The following S100Z variants were observed in gnomAD, a reference collection of about 807,000 sequenced individuals.
S100Z encodes the protein S100 calcium binding protein Z.
A neutral mutation model predicts 8.5 loss-of-function variants in S100Z; 11 were observed. The ratio of observed to expected loss-of-function variants is 1.30; its 90% CI spans 0.82 to 2.15. The LOEUF is 2.15. Ranked by LOEUF, S100Z falls within the 30% of genes most tolerant of loss-of-function variation. S100Z has a pLI of 0.00. For missense variants in S100Z, 126 were observed against 117.9 expected (o/e 1.07, Z -0.32); for synonymous variants, 34 against 43.8 (o/e 0.78, Z 0.89).
At chr5:76,865,966 G>A (rs1190696730) in intron 1 of S100Z, among the ~76,000 whole-genome samples, 1 of 150,498 alleles carries the variant, frequency 6.6e-6, no homozygotes, top group African/African-American at 2.4e-5. Flanking sequence ...AGTGAGCTGA[G>A]ATCACACCAC....
chr5:76,874,392 A>G (rs532049431), intron 2 of S100Z, among the ~76,000 whole-genome samples: 3 of 152,230 alleles, frequency 2.0e-5, no homozygotes, highest in Middle Eastern at 3.4e-3. Flanking sequence ...ACTCCCCTAA[A>G]GAGAGATAAG....
the S100Z span, among the ~76,000 whole-genome samples, chr5:76,940,730 T>G: frequency 1.3e-5 from 2 of 152,344 alleles, no homozygotes; most frequent in South Asian, 4.1e-4. Flanking sequence ...CCAATCTCTA[T>G]GTAATAGTAT....
intron 1 of S100Z, among the ~76,000 whole-genome samples, chr5:76,851,722 T>C (rs1232716882): frequency 1.3e-5 from 2 of 152,146 alleles, no homozygotes; most frequent in Admixed American, 1.3e-4. Flanking sequence ...GGAGATGTCC[T>C]GTGGTCAGTT....
At chr5:76,880,384 G>T (rs1743361576) in intron 4 of S100Z, among the ~76,000 whole-genome samples, 1 of 152,132 alleles carries the variant, frequency 6.6e-6, no homozygotes, top group Non-Finnish European at 1.5e-5. Context: ...GTGGTGAAGT[G>T]TTGGGGTGGC....
chr5:76,877,779 A>G lies in S100Z; in HGVS notation c.247A>G (p.Thr83Ala). Residue 83 changes from threonine (T) to alanine (A), a missense_variant, in exon 4 of 5, where the codon ACA (threonine) becomes GCA (alanine). By Grantham distance (58) the Thr-to-Ala change is moderately conservative (BLOSUM62 0). Transcript: ENST00000317593. ...NEFVVMVAAL[T>A]VACNDYFVEQ... Reference sequence around the variant, plus strand: ...ATTCGTGGTCATGGTGGCAGCTCTGACAGTTGCTTGTAATGATTACTTTGT... The same window carrying G: ...ATTCGTGGTCATGGTGGCAGCTCTGGCAGTTGCTTGTAATGATTACTTTGT... 1 of 1,613,582 alleles carries G rather than the reference A, an allele frequency of 6.2e-7. No homozygotes were observed. Among genetic ancestry groups the G allele is most frequent in the Non-Finnish European group, 8.5e-7 (1 of 1,179,468 alleles).
intron 1 of S100Z, among the ~76,000 whole-genome samples, chr5:76,866,967 T>G (rs1018937912): frequency 1.3e-5 from 2 of 152,244 alleles, no homozygotes; most frequent in Non-Finnish European, 2.9e-5. Context: ...GTAGTCTTTA[T>G]AATTCTAATT....
At chr5:76,900,773 T>C (rs1744200822) in intron 4 of S100Z, among the ~76,000 whole-genome samples, 1 of 152,110 alleles carries the variant, frequency 6.6e-6, no homozygotes, top group Non-Finnish European at 1.5e-5. Context: ...TTTTTCTGAG[T>C]GGTGTTGATG....
chr5:76,880,674 T>A (rs887620196), intron 4 of S100Z, among the ~76,000 whole-genome samples: 1 of 152,132 alleles, frequency 6.6e-6, no homozygotes, highest in Non-Finnish European at 1.5e-5. Context: ...GACTAAGAAT[T>A]GGGAGTACCC....
At chr5:76,897,902 C>A (rs545855792) in intron 4 of S100Z, among the ~76,000 whole-genome samples, 3 of 152,060 alleles carry the variant, frequency 2.0e-5, no homozygotes, top group African/African-American at 7.2e-5. Context: ...TAGGTTTTTC[C>A]AAATATGAGA....
chr5:76,895,572 A>G (rs1744005178), intron 4 of S100Z, among the ~76,000 whole-genome samples: 1 of 152,020 alleles, frequency 6.6e-6, no homozygotes, highest in Non-Finnish European at 1.5e-5. Flanking sequence ...TTTTGTGGGT[A>G]TATAGTAGGT....
chr5:76,928,240 C>T, the S100Z span, among the ~76,000 whole-genome samples: 1 of 152,142 alleles, frequency 6.6e-6, no homozygotes, highest in East Asian at 1.9e-4. Context: ...AGGACCATAA[C>T]AGGGCCATCA....
At chr5:76,894,903 A>G (rs1045310832) in intron 4 of S100Z, among the ~76,000 whole-genome samples, 1 of 152,036 alleles carries the variant, frequency 6.6e-6, no homozygotes, top group Non-Finnish European at 1.5e-5. Context: ...TTTTTTCTTT[A>G]TATTTTAAAT....
chr5:76,919,100 A>G (rs1458751948), intron 4 of S100Z, among the ~76,000 whole-genome samples: 2 of 152,230 alleles, frequency 1.3e-5, no homozygotes, highest in Non-Finnish European at 2.9e-5. Flanking sequence ...ACTGAAGAAC[A>G]TATTGCTTGC....
chr5:76,927,616 G>A, the S100Z span, among the ~76,000 whole-genome samples: 2 of 152,340 alleles, frequency 1.3e-5, no homozygotes, highest in African/African-American at 2.4e-5. Context: ...TTAGGCCCCT[G>A]AGGAAAGCTG....
At chr5:76,919,207 G>T (rs1744956122) in intron 4 of S100Z, among the ~76,000 whole-genome samples, 1 of 152,140 alleles carries the variant, frequency 6.6e-6, no homozygotes, top group Admixed American at 6.5e-5. Flanking sequence ...TAAATATCAA[G>T]GGACACAACT....
At chr5:76,867,326 T>C (rs1281681587) in intron 1 of S100Z, among the ~76,000 whole-genome samples, 1 of 152,108 alleles carries the variant, frequency 6.6e-6, no homozygotes, top group Non-Finnish European at 1.5e-5. Flanking sequence ...AGACAAAAAC[T>C]GGAGAGTTTA....
intron 4 of S100Z, among the ~76,000 whole-genome samples, chr5:76,905,308 C>T (rs1023108789): frequency 6.6e-6 from 1 of 152,168 alleles, no homozygotes; most frequent in Admixed American, 6.5e-5. Flanking sequence ...GTAGCTGAGA[C>T]TACAGGCACA....
rs151134877 is a variant in S100Z, at chr5:76,874,061, A to G, written c.-56-1243A>G. 3.0e-3 allele frequency among the ~76,000 whole-genome samples: 455 copies of G among 152,308 alleles called. 1 individual carries two copies. The highest frequency in any genetic ancestry group is 0.01 in the African/African-American group (419 of 41,568). ...CCCCCCTTACCCCTGACAGCTCCCA[A>G]CATAGTATTATATTTTGTTTCCTTT... On this transcript the variant is annotated intron_variant, in intron 2 of 4. Transcript: ENST00000317593.
chr5:76,933,372 G>T, the S100Z span, among the ~76,000 whole-genome samples: 3 of 152,190 alleles, frequency 2.0e-5, no homozygotes, highest in Non-Finnish European at 4.4e-5. Context: ...GCCTCTTCGA[G>T]AGGATTTCTA....
Sources: gnomAD v4.1 joint callset for allele counts (sites outside exome capture counted in the v4.1 genomes callset) on GRCh38, gnomAD v4.1.1 for gene constraint, MANE v1.5 for transcripts, NCBI Gene and HGNC (gene_info 2026-07-23, HGNC 2026-07-21) for gene names.